The following CCSER1 variants were observed in gnomAD, a reference collection of about 807,000 sequenced individuals.
CCSER1 encodes coiled-coil serine rich protein 1.
In CCSER1, 41 loss-of-function variants were observed where a neutral mutation model predicts 82.0. The ratio of observed to expected loss-of-function variants is 0.50; its 90% CI spans 0.39 to 0.65. CCSER1 has a LOEUF of 0.65. CCSER1 is among the 30% of genes least tolerant of loss of function. The probability of loss-of-function intolerance (pLI) is 0.00; values close to 1 mark genes in which losing one functional copy is unlikely to be tolerated. For synonymous variants in CCSER1, 414 were observed against 383.9 expected (o/e 1.08, Z -0.92); for missense variants, 1,119 against 1,064.2 (o/e 1.05, Z -0.72).
chr4:91,111,831 A>G (rs1336920709), intron 10 of CCSER1, among the ~76,000 whole-genome samples: 1 of 151,346 alleles, frequency 6.6e-6, no homozygotes, highest in Non-Finnish European at 1.5e-5. Context: ...AAAGAGAGAA[A>G]GAAGAAGACA....
chr4:91,176,859 G>T lies in CCSER1; in HGVS notation c.2217+90865G>T, dbSNP rs551549013. ...TGGCCAGAACTTCCAACACTATGTT[G>T]AATAGAAGTGGTGAGAGAGGGCATC... On this transcript the variant is annotated intron_variant, in intron 10 of 10. Transcript: ENST00000509176. 1.8e-4 allele frequency among the ~76,000 whole-genome samples: 28 copies of T among 152,272 alleles called. No individual in the cohort carries two copies. The East Asian group carries it at 5.0e-3, about 27-fold the overall frequency.
At chr4:90,173,458 C>T (rs1250524346) in intron 1 of CCSER1, among the ~76,000 whole-genome samples, 2 of 151,754 alleles carry the variant, frequency 1.3e-5, no homozygotes, top group Non-Finnish European at 2.9e-5. Context: ...AGGCATTTTC[C>T]AGCATTTCAG....
rs1675533067 is a variant in CCSER1, at chr4:90,470,783, A to AC, written c.1724+2429_1724+2430insC. Among the ~76,000 whole-genome samples the AC allele has an allele frequency of 4.7e-5, 7 of 148,754 alleles. No individual in the cohort carries two copies. The South Asian group carries it at 1.3e-3, about 27-fold the overall frequency. ...AAAGCAAAAAAAAAAAAAAAAAAAC[A>AC]AAACACCCAGATTTGAGTGTCATTG... On this transcript the variant is annotated intron_variant, in intron 5 of 10. Coordinates refer to ENST00000509176, the MANE Select transcript of CCSER1 (RefSeq NM_001145065.2).
intron 8 of CCSER1, among the ~76,000 whole-genome samples, chr4:90,875,404 C>A (rs1478179407): frequency 6.6e-6 from 1 of 152,032 alleles, no homozygotes; most frequent in African/African-American, 2.4e-5. Context: ...GGGGATAAAA[C>A]AAAGAACCTC....
In CCSER1 at chr4:90,308,846, C is replaced by T; in HGVS notation, c.562C>T (p.His188Tyr). Residue 188 changes from histidine (H) to tyrosine (Y), a missense_variant, in exon 2 of 11, where the codon CAC (histidine) becomes TAC (tyrosine). Transcript: ENST00000509176. ...GCTACTCCCTAAATCTTTTTCATCTCACTATAAATTTTCTAAGCCAGTTCT... is the reference window on the plus strand; with the variant it reads ...GCTACTCCCTAAATCTTTTTCATCTTACTATAAATTTTCTAAGCCAGTTCT... ...RKLLPKSFSS[H>Y]YKFSKPVLQS... 6.2e-7 allele frequency: 1 copy of T among 1,613,756 alleles called. No homozygotes were observed. Among genetic ancestry groups the T allele is most frequent in the Non-Finnish European group, 8.5e-7 (1 of 1,179,794 alleles).
intron 7 of CCSER1, among the ~76,000 whole-genome samples, chr4:90,747,901 T>C (rs1333432367): frequency 6.6e-6 from 1 of 150,584 alleles, no homozygotes; most frequent in East Asian, 2.0e-4. Context: ...GAATATGCCA[T>C]GTTTGGTTTT....
At chr4:90,453,871 G>A (rs908296063) in intron 4 of CCSER1, among the ~76,000 whole-genome samples, 3 of 152,176 alleles carry the variant, frequency 2.0e-5, no homozygotes, top group African/African-American at 7.2e-5. Context: ...GTGTCCAGGA[G>A]GAGGTCCCCT....
chr4:90,130,271 C>G (rs150640143), intron 1 of CCSER1, among the ~76,000 whole-genome samples: 1 of 152,164 alleles, frequency 6.6e-6, no homozygotes, highest in Non-Finnish European at 1.5e-5. Flanking sequence ...TGGGAGGAAT[C>G]TGATGCTCAT....
At chr4:91,591,811 T>C (rs1005924918) in intron 10 of CCSER1, among the ~76,000 whole-genome samples, 3 of 152,180 alleles carry the variant, frequency 2.0e-5, no homozygotes, top group Non-Finnish European at 2.9e-5. Flanking sequence ...CAGTTAAAAA[T>C]TGCAGCCATA....
At chr4:90,480,139 A>AT (rs1450662532) in intron 5 of CCSER1, among the ~76,000 whole-genome samples, 1 of 152,014 alleles carries the variant, frequency 6.6e-6, no homozygotes, top group African/African-American at 2.4e-5. Flanking sequence ...GATGATGAGC[A>AT]TTTTTTCATG....
intron 9 of CCSER1, among the ~76,000 whole-genome samples, chr4:91,037,578 AC>A (rs1337791784): frequency 8.0e-6 from 1 of 124,456 alleles, no homozygotes; most frequent in African/African-American, 2.7e-5. Context: ...AGATATTTCT[AC>A]TTTTCCTTCT....
chr4:90,196,323 A>T (rs7694967), intron 1 of CCSER1, among the ~76,000 whole-genome samples: 1 of 151,190 alleles, frequency 6.6e-6, no homozygotes, highest in Non-Finnish European at 1.5e-5. Flanking sequence ...TAGAGTCTGT[A>T]ACGTACTGTC....
At chr4:90,445,046 A>G (rs145882658) in intron 4 of CCSER1, among the ~76,000 whole-genome samples, 4 of 152,118 alleles carry the variant, frequency 2.6e-5, no homozygotes, top group Admixed American at 6.5e-5. Context: ...TTAAAAAAAA[A>G]CAGTTACAGA....
intron 5 of CCSER1, among the ~76,000 whole-genome samples, chr4:90,480,243 ATTTG>A (rs1440125428): frequency 4.6e-5 from 7 of 151,874 alleles, no homozygotes; most frequent in Non-Finnish European, 8.8e-5. Flanking sequence ...TTTCTTGTAA[ATTTG>A]TTTGAGTTTA....
intron 10 of CCSER1, among the ~76,000 whole-genome samples, chr4:91,573,456 G>T (rs1040784125): frequency 6.6e-6 from 1 of 152,160 alleles, no homozygotes; most frequent in African/African-American, 2.4e-5. Context: ...GGGTCTCCAC[G>T]CATGCCTGAG....
intron 3 of CCSER1, among the ~76,000 whole-genome samples, chr4:90,376,235 T>C (rs1420582909): frequency 1.3e-5 from 2 of 152,186 alleles, no homozygotes; most frequent in Non-Finnish European, 2.9e-5. Flanking sequence ...TGTTTCATTA[T>C]TATTGCACAC....
Position 90,916,243 on chromosome 4 carries a change from C to T in CCSER1, c.2095-7127C>T, listed in dbSNP as rs140704837. On this transcript the variant is annotated intron_variant, in intron 8 of 10. Coordinates refer to ENST00000509176, the MANE Select transcript of CCSER1 (RefSeq NM_001145065.2). The stretch of plus-strand genomic sequence containing the variant: ...ACCAAAAGAACAAAGCTGGAGGCAT[C>T]GCGCTACCTGACTTAAACTATACTA... Among the ~76,000 whole-genome samples the T allele has an allele frequency of 6.0e-3, 920 of 152,244 alleles. 6 individuals carry two copies. Among genetic ancestry groups the T allele is most frequent in the Non-Finnish European group, 9.6e-3 (656 of 68,020 alleles).
At chr4:91,482,371 C>T (rs185021887) in intron 10 of CCSER1, among the ~76,000 whole-genome samples, 6,474 of 64,418 alleles carry the variant, frequency 0.1, 582 homozygotes, top group Non-Finnish European at 0.12. Flanking sequence ...CACTGCAGTC[C>T]GCAGTCCAGC....
At chr4:90,295,463 C>T (rs1446241634) in intron 1 of CCSER1, among the ~76,000 whole-genome samples, 1 of 151,944 alleles carries the variant, frequency 6.6e-6, no homozygotes, top group Non-Finnish European at 1.5e-5. Flanking sequence ...TTTCCTGTTA[C>T]TATTCTTTGC....
Sources: allele counts gnomAD v4.1 joint callset (sites outside exome capture counted in the v4.1 genomes callset), GRCh38; gene constraint gnomAD v4.1.1; transcripts MANE v1.5; gene names NCBI Gene and HGNC (gene_info 2026-07-23, HGNC 2026-07-21).